PKHD1L1: variants seen among roughly 807,000 people sequenced by gnomAD.
PKHD1L1 encodes fibrocystin-L.
A neutral mutation model predicts 462.9 loss-of-function variants in PKHD1L1; 434 were observed. That is an observed-to-expected ratio of 0.94 (90% CI 0.87 to 1.02). The LOEUF (loss-of-function observed/expected upper bound fraction) is 1.02, where lower values mean the gene tolerates loss of function less well. PKHD1L1 is among the 50% of genes least tolerant of loss of function. PKHD1L1 has a pLI of 0.00. For missense variants in PKHD1L1, 5,202 were observed against 5,096.1 expected, an observed-to-expected ratio of 1.02 and a Z score of -0.63; for synonymous variants, 1,781 against 1,750.0, an observed-to-expected ratio of 1.02 and a Z score of -0.44.
At chr8:109,443,317 C>A (rs1266602509) in intron 36 of PKHD1L1, among the ~76,000 whole-genome samples, 1 of 152,108 alleles carries the variant, frequency 6.6e-6, no homozygotes, top group Non-Finnish European at 1.5e-5. Flanking sequence ...ACCAGTCTTT[C>A]CCCCAGAATC....
intron 47 of PKHD1L1, among the ~76,000 whole-genome samples, chr8:109,460,649 C>A (rs73704014): frequency 0.023 from 3,511 of 152,244 alleles, 73 homozygotes; most frequent in African/African-American, 0.055. Flanking sequence ...CCAGACTTTG[C>A]AGAAATGTTC....
intron 1 of PKHD1L1, among the ~76,000 whole-genome samples, chr8:109,363,988 A>G (rs1811105013): frequency 6.6e-6 from 1 of 152,208 alleles, no homozygotes; most frequent in Non-Finnish European, 1.5e-5. Flanking sequence ...TGAATTAGTG[A>G]CCTTTATATT....
Position 109,450,976 on chromosome 8 carries a change from C to A in PKHD1L1, c.6177C>A (p.Gly2059=). The A allele has an allele frequency of 1.3e-6, 2 of 1,596,236 alleles. No homozygotes were observed. Among genetic ancestry groups the A allele is most frequent in the South Asian group, 1.1e-5 (1 of 89,540 alleles). The change falls in exon 41 of 78, where the codon GGC becomes GGA. Residue 2059 remains glycine (G), a splice_region_variant and synonymous_variant. Transcript: ENST00000378402. ...TTCAGTCTGATCTTCCTTTCATAGG[C>A]ACGGGAGCTGAGCAAGCCTGTGAAG... ...TLLCEIPSNN[G]TGAEQACEVS... is the part of the protein sequence containing the mutation.
rs377693663 is a variant in PKHD1L1, at chr8:109,485,079, C to T, written c.9612C>T (p.Tyr3204=). The change falls in exon 58 of 78, where the codon TAC becomes TAT. Residue 3204 remains tyrosine (Y), a synonymous_variant. Coordinates refer to ENST00000378402, the MANE Select transcript of PKHD1L1 (RefSeq NM_177531.6). ...AGATTGTGATAACAACCACAAGCTACGATTTCCACCAGACAGAAACAAGAA... is the reference window on the plus strand; with the variant it reads ...AGATTGTGATAACAACCACAAGCTATGATTTCCACCAGACAGAAACAAGAA... ...GEEIVITTTS[Y]DFHQTETRSI... 2.1e-5 allele frequency: 34 copies of T among 1,601,062 alleles called. No individual in the cohort carries two copies. In the East Asian group the frequency reaches 4.1e-4, roughly 19 times the overall value.
chr8:109,516,032 AT>A (rs1312309981), intron 72 of PKHD1L1, among the ~76,000 whole-genome samples: 1 of 152,126 alleles, frequency 6.6e-6, no homozygotes, highest in Admixed American at 6.5e-5. Context: ...TTGCTTTACC[AT>A]TTATAGAAGA....
At chr8:109,528,312 G>A (rs781044753) in intron 77 of PKHD1L1, among the ~76,000 whole-genome samples, 12 of 152,066 alleles carry the variant, frequency 7.9e-5, no homozygotes, top group South Asian at 2.1e-4. Flanking sequence ...ATACTTCTCC[G>A]CCCGCAGTTA....
At position 109,439,082 on chromosome 8, in the gene PKHD1L1, G is replaced by A. The variant is rs1479865902; in HGVS notation, c.3946G>A (p.Ala1316Thr). 2 of 1,612,522 alleles carry A rather than the reference G, an allele frequency of 1.2e-6. No homozygotes were observed. The highest frequency in any genetic ancestry group is 1.7e-6 in the Non-Finnish European group (2 of 1,179,240). The change falls in exon 32 of 78, where the codon GCA becomes ACA. Residue 1316 changes from alanine (A) to threonine (T), a missense_variant. By Grantham distance (58) the Ala-to-Thr change is moderately conservative (BLOSUM62 0). Coordinates refer to ENST00000378402, the MANE Select transcript of PKHD1L1 (RefSeq NM_177531.6). ...TGTAGAAGTCAGAAACTGGGGTTTT[G>A]CATCAACAAGGTATGATAATGAACA... The part of the protein sequence containing the change: ...IYVEVRNWGF[A>T]STRDKLNSSI...
Position 109,479,998 on chromosome 8 carries a change from G to A in PKHD1L1, c.9186G>A (p.Trp3062Ter). The change falls in exon 55 of 78, where the codon TGG becomes TGA. Residue 3062 changes from tryptophan (W) to a stop codon, truncating the protein, a stop_gained. Coordinates refer to ENST00000378402, the MANE Select transcript of PKHD1L1 (RefSeq NM_177531.6). LOFTEE classifies it high-confidence loss of function. ...TAAAGTATTGTTTTATAGGAACATGGATTGTAGCTGACATAGATATGCCAT... is the reference window on the plus strand; with the variant it reads ...TAAAGTATTGTTTTATAGGAACATGAATTGTAGCTGACATAGATATGCCAT... ...GANVIIPEGT[W>*]IVADIDMPSM... The A allele has an allele frequency of 6.3e-7, 1 of 1,576,282 alleles. No individual in the cohort carries two copies. The highest frequency in any genetic ancestry group is 8.6e-7 in the Non-Finnish European group (1 of 1,166,628).
intron 19 of PKHD1L1, among the ~76,000 whole-genome samples, chr8:109,411,754 A>T (rs1345238082): frequency 6.6e-6 from 1 of 152,130 alleles, no homozygotes; most frequent in Admixed American, 6.5e-5. Context: ...AACAGCTGCT[A>T]TTTATCTTTA....
chr8:109,484,652 A>G (rs1236379498), intron 57 of PKHD1L1, among the ~76,000 whole-genome samples: 1 of 151,896 alleles, frequency 6.6e-6, no homozygotes, highest in Non-Finnish European at 1.5e-5. Flanking sequence ...TTTCAGGAAT[A>G]ATAAGTGATA....
intron 63 of PKHD1L1, 58 bp downstream of exon 63, chr8:109,493,809 AAAAT>A (rs1563607419): frequency 1.1e-5 from 13 of 1,167,958 alleles, no homozygotes; most frequent in Non-Finnish European, 1.1e-5. Context: ...CAAAATTGTT[AAAAT>A]AAATAATTAT....
Position 109,440,736 on chromosome 8 carries a change from A to T in PKHD1L1, c.3983A>T (p.Tyr1328Phe). The change falls in exon 33 of 78, where the codon TAT becomes TTT. Residue 1328 changes from tyrosine to phenylalanine, a missense_variant. Physicochemically the swap from Tyr to Phe is conservative, Grantham distance 22. Transcript: ENST00000378402. ...TRDKLNSSIQ[Y>F]VLEVTSMFPQ... ...GACAAATTAAATTCTTCAATACAGT[A>T]TGTTTTAGAAGTGACCAGCATGTTT... 2 of 1,612,504 alleles carry T rather than the reference A, an allele frequency of 1.2e-6. No homozygotes were observed. Among genetic ancestry groups the T allele is most frequent in the Non-Finnish European group, 1.7e-6 (2 of 1,178,908 alleles).
Position 109,368,740 on chromosome 8 carries a change from T to G in PKHD1L1, c.163+4104T>G, listed in dbSNP as rs1429672329. On this transcript the variant is annotated intron_variant, in intron 2 of 77. Coordinates refer to ENST00000378402, the MANE Select transcript of PKHD1L1 (RefSeq NM_177531.6). ...TTAATAACACTGACATTTTCCATGATAGCAGCCCAGGCGTTCCTTTTGGAT... is the reference window on the plus strand; with the variant it reads ...TTAATAACACTGACATTTTCCATGAGAGCAGCCCAGGCGTTCCTTTTGGAT... Among the ~76,000 whole-genome samples the G allele has an allele frequency of 3.3e-5, 5 of 152,332 alleles. No homozygotes were observed. The East Asian group carries it at 9.7e-4, about 29-fold the overall frequency.
At position 109,445,217 on chromosome 8, in the gene PKHD1L1, T is replaced by C. The variant is rs1816061973; in HGVS notation, c.5348T>C (p.Ile1783Thr). The change falls in exon 38 of 78, where the codon ATT becomes ACT. Residue 1783 changes from isoleucine to threonine, a missense_variant. Ile to Thr is a moderately conservative substitution (Grantham distance 89, BLOSUM62 -1). Transcript: ENST00000378402. Reference protein sequence around the residue: ...GTVLEDIAVFIGNQQFRAIEV... With the variant: ...GTVLEDIAVFTGNQQFRAIEV... The stretch of plus-strand genomic sequence containing the variant: ...GTTTTGGAGGACATTGCTGTTTTCA[T>C]TGGAAATCAACAGTTCAGAGCAATA... 5.0e-6 allele frequency: 8 copies of C among 1,613,898 alleles called. No homozygotes were observed. The highest frequency in any genetic ancestry group is 1.6e-4 in the Middle Eastern group (1 of 6,084).
At chr8:109,468,593 A>C (rs1200939937) in intron 50 of PKHD1L1, among the ~76,000 whole-genome samples, 1 of 152,186 alleles carries the variant, frequency 6.6e-6, no homozygotes, top group Non-Finnish European at 1.5e-5. Context: ...TTTCCACTGT[A>C]CATTCTGGAA....
chr8:109,385,078 G>T (rs866197807), intron 5 of PKHD1L1, among the ~76,000 whole-genome samples: 3 of 151,736 alleles, frequency 2.0e-5, no homozygotes, highest in African/African-American at 2.4e-5. Flanking sequence ...AACGTTTGTT[G>T]TTTTTTCTTC....
chr8:109,398,147 G>C (rs114590964), intron 11 of PKHD1L1, among the ~76,000 whole-genome samples: 1 of 151,822 alleles, frequency 6.6e-6, no homozygotes, highest in Non-Finnish European at 1.5e-5. Flanking sequence ...CAAAATATAA[G>C]TTTTTACTTT....
intron 53 of PKHD1L1, among the ~76,000 whole-genome samples, chr8:109,478,095 G>A (rs1334327026): frequency 6.6e-6 from 1 of 152,074 alleles, no homozygotes; most frequent in Non-Finnish European, 1.5e-5. Context: ...TGATGATGAT[G>A]CTAAAAACTA....
At chr8:109,373,702 G>T (rs1012365870) in intron 2 of PKHD1L1, among the ~76,000 whole-genome samples, 1 of 152,138 alleles carries the variant, frequency 6.6e-6, no homozygotes. Flanking sequence ...CTGGTATGTT[G>T]TGTCTTTGTC....
Sources: gnomAD v4.1 joint callset for allele counts (sites outside exome capture counted in the v4.1 genomes callset) on GRCh38, gnomAD v4.1.1 for gene constraint, MANE v1.5 for transcripts, NCBI Gene and HGNC (gene_info 2026-07-23, HGNC 2026-07-21) for gene names.